Variants in PDIA5 observed in about 807,000 individuals in gnomAD.
PDIA5 encodes the protein protein disulfide-isomerase A5.
PDIA5 carries 58 observed loss-of-function variants against 77.6 expected under a neutral mutation model. That is an observed-to-expected ratio of 0.75 (90% CI 0.61 to 0.93). The LOEUF (loss-of-function observed/expected upper bound fraction) is 0.93. Among genes scored for constraint, PDIA5 ranks in the 40% least tolerant of loss-of-function variants. The pLI is 0.00. For synonymous variants in PDIA5, 250 were observed against 252.1 expected (o/e 0.99, Z 0.08); for missense variants, 630 against 647.7 (o/e 0.97, Z 0.30).
At chr3:123,067,728 TG>T (rs1933613158) in intron 1 of PDIA5, among the ~76,000 whole-genome samples, 2 of 152,056 alleles carry the variant, frequency 1.3e-5, no homozygotes, top group South Asian at 4.2e-4. Flanking sequence ...GTGGGCTGGG[TG>T]GGGTCGACGT....
At chr3:123,099,433 G>T (rs1456375165) in intron 3 of PDIA5, among the ~76,000 whole-genome samples, 1 of 152,222 alleles carries the variant, frequency 6.6e-6, no homozygotes, top group Non-Finnish European at 1.5e-5. Context: ...AGTGTGCTCA[G>T]ATGGGACAGG....
chr3:123,105,799 G>C (rs920215503), intron 5 of PDIA5, among the ~76,000 whole-genome samples: 1 of 152,004 alleles, frequency 6.6e-6, no homozygotes, highest in Non-Finnish European at 1.5e-5. Flanking sequence ...GCTGGAGCGT[G>C]GTCAAAGTTG....
intron 1 of PDIA5, among the ~76,000 whole-genome samples, chr3:123,081,209 G>A (rs9813435): frequency 0.13 from 20,143 of 152,218 alleles, 1,563 homozygotes; most frequent in Non-Finnish European, 0.18. Context: ...GGTGGTGGTC[G>A]TGAGAATGGG....
intron 1 of PDIA5, among the ~76,000 whole-genome samples, chr3:123,086,845 C>T (rs562091490): frequency 4.6e-5 from 7 of 152,290 alleles, no homozygotes; most frequent in Middle Eastern, 3.4e-3. Context: ...AAATGTTATA[C>T]ATCTGATATT....
intron 5 of PDIA5, among the ~76,000 whole-genome samples, chr3:123,104,344 G>A (rs1934680623): frequency 6.6e-6 from 1 of 152,196 alleles, no homozygotes; most frequent in Non-Finnish European, 1.5e-5. Flanking sequence ...TTCCCTGACT[G>A]CTGATGGCTT....
At chr3:123,135,449 C>G (rs775329514) in intron 11 of PDIA5, among the ~76,000 whole-genome samples, 2 of 152,124 alleles carry the variant, frequency 1.3e-5, no homozygotes, top group East Asian at 1.9e-4. Flanking sequence ...TTGCCTACCC[C>G]CTGACTCATC....
intron 8 of PDIA5, among the ~76,000 whole-genome samples, chr3:123,117,068 G>A (rs1228323559): frequency 1.3e-5 from 2 of 151,666 alleles, no homozygotes; most frequent in African/African-American, 4.9e-5. Context: ...AAGGGCCGAG[G>A]GTCAGTCACC....
chr3:123,134,572 C>T (rs1935447156), intron 11 of PDIA5, among the ~76,000 whole-genome samples: 1 of 152,166 alleles, frequency 6.6e-6, no homozygotes, highest in East Asian at 1.9e-4. Context: ...TCCCAGCACT[C>T]CTGCCACTCA....
At chr3:123,135,002 C>T (rs1465699566) in intron 11 of PDIA5, among the ~76,000 whole-genome samples, 3 of 152,216 alleles carry the variant, frequency 2.0e-5, no homozygotes, top group Admixed American at 2.0e-4. Flanking sequence ...AGTGGGGCCT[C>T]ACATGCAGCC....
intron 11 of PDIA5, 102 bp downstream of exon 11, chr3:123,130,718 G>C (rs1935353755): frequency 3.7e-6 from 5 of 1,364,600 alleles, no homozygotes; most frequent in Non-Finnish European, 5.1e-6. Context: ...TTATTTTTTG[G>C]ATGCCAGGAC....
At chr3:123,087,506 T>C (rs948825238) in intron 1 of PDIA5, among the ~76,000 whole-genome samples, 1 of 152,044 alleles carries the variant, frequency 6.6e-6, no homozygotes, top group African/African-American at 2.4e-5. Context: ...ACCCTAATTA[T>C]TTCTGTGATA....
At chr3:123,084,333 C>T (rs755599521) in intron 1 of PDIA5, among the ~76,000 whole-genome samples, 1 of 152,122 alleles carries the variant, frequency 6.6e-6, no homozygotes, top group African/African-American at 2.4e-5. Flanking sequence ...ACATTCTCTC[C>T]AGTGTTCCCA....
At chr3:123,079,175 CTTTT>C (rs35252405) in intron 1 of PDIA5, among the ~76,000 whole-genome samples, 1 of 94,064 alleles carries the variant, frequency 1.1e-5, no homozygotes, top group South Asian at 3.6e-4. Flanking sequence ...ATTTTGAATT[CTTTT>C]TTTTTTTTTT....
intron 10 of PDIA5, among the ~76,000 whole-genome samples, chr3:123,129,958 T>C (rs1457222369): frequency 6.6e-6 from 1 of 152,076 alleles, no homozygotes; most frequent in African/African-American, 2.4e-5. Context: ...TGTGGCAGCT[T>C]CCCCTTGCAT....
In PDIA5 at chr3:123,138,427, A is replaced by G. The variant is rs548523388; in HGVS notation, c.911-7095A>G. On this transcript the variant is annotated intron_variant, in intron 11 of 16. Transcript: ENST00000316218. ...CTGTAAATTGGTTAACTAGCATCAT[A>G]ATGTTGAAGGTTTGAGTTGTTTACC... 2.0e-5 allele frequency among the ~76,000 whole-genome samples: 3 copies of G among 152,274 alleles called. No individual in the cohort carries two copies. The East Asian group carries it at 5.8e-4, about 29-fold the overall frequency.
intron 15 of PDIA5, among the ~76,000 whole-genome samples, chr3:123,155,819 C>T (rs539234675): frequency 6.6e-5 from 10 of 152,142 alleles, no homozygotes; most frequent in Admixed American, 1.3e-4. Flanking sequence ...AACCCAGAGT[C>T]ACGTGCAGGG....
chr3:123,084,525 C>T (rs979609310), intron 1 of PDIA5, among the ~76,000 whole-genome samples: 4 of 152,052 alleles, frequency 2.6e-5, no homozygotes, highest in South Asian at 2.1e-4. Context: ...GAGCCCGGTC[C>T]GTGGGGACTT....
chr3:123,150,456 GGCA>G (rs1935865306), intron 14 of PDIA5, 92 bp downstream of exon 14: 1 of 1,266,026 alleles, frequency 7.9e-7, no homozygotes, highest in African/African-American at 1.5e-5. Flanking sequence ...CAGGGACCAA[GGCA>G]GCCGCTGATG....
chr3:123,092,696 GTTTC>G (rs1052389401), intron 3 of PDIA5, among the ~76,000 whole-genome samples: 139 of 152,206 alleles, frequency 9.1e-4, no homozygotes, highest in African/African-American at 3.2e-3. Context: ...ATTTCCATGT[GTTTC>G]TTTCTTCTGT....
Sources: gnomAD v4.1 joint callset for allele counts (sites outside exome capture counted in the v4.1 genomes callset) on GRCh38, gnomAD v4.1.1 for gene constraint, MANE v1.5 for transcripts, NCBI Gene and HGNC (gene_info 2026-07-23, HGNC 2026-07-21) for gene names.